WDR44: variants seen among roughly 807,000 people sequenced by gnomAD.
WDR44 encodes the protein WD repeat domain 44.
In WDR44, 9 loss-of-function variants were observed where a neutral mutation model predicts 65.7. That is an observed-to-expected ratio of 0.14 (90% CI 0.08 to 0.24). The LOEUF (loss-of-function observed/expected upper bound fraction) is 0.24, where lower values mean the gene tolerates loss of function less well. Among genes scored for constraint, WDR44 ranks in the 10% least tolerant of loss-of-function variants. The pLI, the probability that WDR44 is intolerant of heterozygous loss-of-function variation, is 1.00. For synonymous variants in WDR44, 220 were observed against 235.2 expected (o/e 0.94, Z 0.59); for missense variants, 425 against 670.9 (o/e 0.63, Z 4.05).
At chrX:118,411,274 A>C (rs1243748104) in intron 12 of WDR44, among the ~76,000 whole-genome samples, 2 of 111,603 alleles carry the variant, frequency 1.8e-5, no homozygotes, top group Non-Finnish European at 3.8e-5. Flanking sequence ...TACCCAAATA[A>C]GAGGTAATTA....
At chrX:118,435,387 C>T (rs993934478) in intron 13 of WDR44, among the ~76,000 whole-genome samples, 2 of 112,866 alleles carry the variant, frequency 1.8e-5, no homozygotes, top group African/African-American at 6.4e-5. Context: ...AAGCGATTCT[C>T]CTGCCTCAGC....
chrX:118,414,257 C>CTTTTTT (rs565805780), intron 12 of WDR44, among the ~76,000 whole-genome samples: 35 of 46,504 alleles, frequency 7.5e-4, no homozygotes, highest in East Asian at 1.3e-3. Flanking sequence ...CTTGCGATTG[C>CTTTTTT]TTTTTTTTTT....
chrX:118,395,785 G>A (rs2147705450), intron 6 of WDR44, among the ~76,000 whole-genome samples: 1 of 111,601 alleles, frequency 9.0e-6, no homozygotes, highest in African/African-American at 3.3e-5. Context: ...CACTTTGGGA[G>A]GCCAAGGTGG....
chrX:118,362,446 A>G (rs1169288619), intron 1 of WDR44, among the ~76,000 whole-genome samples: 1 of 112,017 alleles, frequency 8.9e-6, no homozygotes, highest in African/African-American at 3.2e-5. Flanking sequence ...GATTTTGTCA[A>G]TGTATTACAG....
intron 13 of WDR44, among the ~76,000 whole-genome samples, chrX:118,435,780 T>C (rs975565090): frequency 8.9e-6 from 1 of 112,954 alleles, no homozygotes; most frequent in African/African-American, 3.2e-5. Flanking sequence ...AATTCTGTTT[T>C]TTAATTCTTT....
At chrX:118,414,929 G>A (rs2057044034) in intron 12 of WDR44, among the ~76,000 whole-genome samples, 1 of 111,535 alleles carries the variant, frequency 9.0e-6, no homozygotes, top group South Asian at 3.8e-4. Flanking sequence ...AAGAGGAGTG[G>A]TAAGAGTGGG....
At chrX:118,368,597 T>C (rs1479180244) in intron 1 of WDR44, among the ~76,000 whole-genome samples, 1 of 105,456 alleles carries the variant, frequency 9.5e-6, no homozygotes, top group East Asian at 3.0e-4. Flanking sequence ...CCAAGGGCCT[T>C]TGGGAAAGGT....
intron 1 of WDR44, among the ~76,000 whole-genome samples, chrX:118,365,196 C>G (rs946580008): frequency 1.7e-4 from 19 of 112,202 alleles, no homozygotes; most frequent in African/African-American, 5.8e-4. Flanking sequence ...TTTTGGCAGC[C>G]ATATCACAGT....
Position 118,392,829 on chromosome X carries a change from T to A in WDR44, c.384T>A (p.Asn128Lys). ...AATCCCAAAAGGCAGAGAGTCAGAA[T>A]ACATTTGAAGAGACTGAATTAGAAT... ...PEESQKAESQ[N>K]TFEETELELK... Residue 128 changes from asparagine (N) to lysine (K), a missense_variant, in exon 4 of 20, where the codon AAT (asparagine) becomes AAA (lysine). Around this residue, in one of 5 missense-constraint regions of WDR44, gnomAD observed 193 missense variants for 209.0 expected, o/e 0.92. Transcript: ENST00000254029. 3 of 1,211,924 alleles carry A rather than the reference T, an allele frequency of 2.5e-6. No individual in the cohort carries two copies. The highest frequency in any genetic ancestry group is 4.3e-5 in the Admixed American group (2 of 46,051).
intron 13 of WDR44, among the ~76,000 whole-genome samples, chrX:118,436,180 A>T: frequency 8.9e-6 from 1 of 112,216 alleles, no homozygotes; most frequent in African/African-American, 3.2e-5. Flanking sequence ...GACAATTTCT[A>T]TTCTCTAATT....
intron 6 of WDR44, among the ~76,000 whole-genome samples, chrX:118,395,610 T>G: frequency 8.9e-6 from 1 of 112,231 alleles, no homozygotes; most frequent in East Asian, 2.8e-4. Context: ...GAAGATTGTC[T>G]TTGTTGATAT....
At chrX:118,414,580 T>A (rs923918235) in intron 12 of WDR44, among the ~76,000 whole-genome samples, 1 of 112,010 alleles carries the variant, frequency 8.9e-6, no homozygotes, top group African/African-American at 3.2e-5. Context: ...TAGTTTTCCT[T>A]GTAGATGTCT....
At chrX:118,385,942 A>G (rs1457576552) in intron 2 of WDR44, among the ~76,000 whole-genome samples, 1 of 111,140 alleles carries the variant, frequency 9.0e-6, no homozygotes, top group African/African-American at 3.3e-5. Flanking sequence ...AGTCCATGAA[A>G]CATTTTTTTT....
chrX:118,348,956 T>C (rs1356635902), intron 1 of WDR44, among the ~76,000 whole-genome samples: 1 of 112,522 alleles, frequency 8.9e-6, no homozygotes, highest in Non-Finnish European at 1.9e-5. Context: ...TGGAGACTTA[T>C]CTCATGTTTT....
intron 1 of WDR44, among the ~76,000 whole-genome samples, chrX:118,359,038 C>T (rs983934490): frequency 4.6e-5 from 5 of 108,805 alleles, no homozygotes; most frequent in African/African-American, 1.7e-4. Context: ...CACACCACTG[C>T]ACTCCAGCCT....
chrX:118,364,395 TTACA>T (rs749352533), intron 1 of WDR44, among the ~76,000 whole-genome samples: 42 of 112,535 alleles, frequency 3.7e-4, no homozygotes, highest in African/African-American at 1.3e-3. Flanking sequence ...CTTCTCCCAC[TTACA>T]TACACACTTA....
At chrX:118,419,097 C>G (rs1279640125) in intron 12 of WDR44, among the ~76,000 whole-genome samples, 3 of 111,239 alleles carry the variant, frequency 2.7e-5, no homozygotes, top group Non-Finnish European at 5.7e-5. Context: ...GAACTTGCCC[C>G]AGGCTACTCA....
rs770495159 is a variant in WDR44 at position 118,449,092 on chromosome X, T to G, written c.*105T>G. On this transcript the variant is annotated 3_prime_UTR_variant, in exon 20 of 20. Coordinates refer to ENST00000254029, the MANE Select transcript of WDR44 (RefSeq NM_019045.5). ...ATACTTTTTTAATTTTTATTGAAAGTTGTTCAAATATAATATATTTTTTGA... is the reference window on the plus strand; with the variant it reads ...ATACTTTTTTAATTTTTATTGAAAGGTGTTCAAATATAATATATTTTTTGA... 7.9e-6 allele frequency: 4 copies of G among 508,809 alleles called. No homozygotes were observed. The highest frequency in any genetic ancestry group is 1.2e-5 in the Non-Finnish European group (4 of 326,514). 41.9% of individuals were successfully genotyped at this position (508,809 alleles called of 1,213,427 possible).
chrX:118,426,586 G>C (rs1481989734), intron 12 of WDR44, among the ~76,000 whole-genome samples: 1 of 109,799 alleles, frequency 9.1e-6, no homozygotes, highest in Non-Finnish European at 1.9e-5. Context: ...CATGCCTGTG[G>C]TCCCACCTAC....
Sources: gnomAD v4.1 joint callset for allele counts (sites outside exome capture counted in the v4.1 genomes callset) on GRCh38, gnomAD v4.1.1 for gene constraint, gnomAD v4.1.1 regional missense constraint, MANE v1.5 for transcripts, NCBI Gene and HGNC (gene_info 2026-07-23, HGNC 2026-07-21) for gene names.